The following NRXN1 variants were observed in gnomAD, a reference collection of about 807,000 sequenced individuals.
NRXN1 encodes the protein neurexin 1, also known as neurexin-1.
In NRXN1, 39 loss-of-function variants were observed where a neutral mutation model predicts 150.9. The ratio of observed to expected loss-of-function variants is 0.26; its 90% CI spans 0.20 to 0.34. The LOEUF (loss-of-function observed/expected upper bound fraction) is 0.34, where lower values mean the gene tolerates loss of function less well. Among genes scored for constraint, NRXN1 ranks in the 10% least tolerant of loss-of-function variants. NRXN1 has a pLI of 1.00. For synonymous variants in NRXN1, 924 were observed against 757.0 expected, an observed-to-expected ratio of 1.22 and a Z score of -3.62; for missense variants, 1,815 against 1,949.9, an observed-to-expected ratio of 0.93 and a Z score of 1.30.
At chr2:50,438,371 C>T (rs1196241668) in intron 17 of NRXN1, among the ~76,000 whole-genome samples, 12 of 152,200 alleles carry the variant, frequency 7.9e-5, no homozygotes, top group Non-Finnish European at 8.8e-5. Context: ...AAATGTCAAC[C>T]AGTGAATCTT....
At chr2:50,458,999 T>C (rs2087884890) in intron 17 of NRXN1, among the ~76,000 whole-genome samples, 1 of 152,134 alleles carries the variant, frequency 6.6e-6, no homozygotes, top group Non-Finnish European at 1.5e-5. Flanking sequence ...ATAATACATA[T>C]TAATTATGAT....
rs533708618 is a variant in NRXN1, at chr2:50,221,148, G to A, written c.3546+15641C>T. Among the ~76,000 whole-genome samples, 4 of 151,206 alleles carry A rather than the reference G, an allele frequency of 2.6e-5. No individual in the cohort carries two copies. In the East Asian group the frequency reaches 7.8e-4, roughly 30 times the overall value. ...AGTTATTTTACTTTAGAATCTCATG[G>A]GCTGTGTATCGTGAAGACAAACAAC... On this transcript the variant is annotated intron_variant, in intron 18 of 22. Transcript: ENST00000401669.
intron 18 of NRXN1, among the ~76,000 whole-genome samples, chr2:50,154,095 T>C (rs1302811987): frequency 2.0e-5 from 3 of 151,836 alleles, no homozygotes; most frequent in Non-Finnish European, 4.4e-5. Context: ...TTCAGACAGA[T>C]TGTATCAGTG....
At chr2:50,794,325 A>G (rs1274534316) in intron 5 of NRXN1, among the ~76,000 whole-genome samples, 1 of 152,164 alleles carries the variant, frequency 6.6e-6, no homozygotes, top group Non-Finnish European at 1.5e-5. Flanking sequence ...AAAGGCTTCT[A>G]CAATTTAACA....
rs964757218 is a variant in NRXN1, at chr2:50,339,995, G to C, written c.3365-103025C>G. On this transcript the variant is annotated intron_variant, in intron 17 of 22. Transcript: ENST00000401669. ...TTCTAATTTAAATCCAGTGGGTTTT[G>C]TTTGTTAGTCTTTTCCAAAACCCTG... is the stretch of plus-strand genomic sequence containing the variant. 2.0e-5 allele frequency among the ~76,000 whole-genome samples: 3 copies of C among 152,288 alleles called. No homozygotes were observed. The South Asian group carries it at 6.2e-4, about 32-fold the overall frequency.
intron 17 of NRXN1, among the ~76,000 whole-genome samples, chr2:50,409,564 C>G (rs1192782595): frequency 6.6e-6 from 1 of 152,204 alleles, no homozygotes; most frequent in African/African-American, 2.4e-5. Flanking sequence ...GGGACAGCAT[C>G]ACCTGGACCA....
chr2:50,002,486 A>G (rs1397150775), intron 21 of NRXN1, among the ~76,000 whole-genome samples: 6 of 152,086 alleles, frequency 3.9e-5, no homozygotes, highest in Non-Finnish European at 5.9e-5. Flanking sequence ...GAATATTAGG[A>G]TGTCAGTGAT....
chr2:50,790,657 G>GT (rs1200940621), intron 5 of NRXN1, among the ~76,000 whole-genome samples: 2 of 152,156 alleles, frequency 1.3e-5, no homozygotes, highest in Non-Finnish European at 2.9e-5. Flanking sequence ...TGCAGGTTGA[G>GT]TATTCCTTAT....
chr2:50,084,272 G>A (rs12987097), intron 19 of NRXN1, among the ~76,000 whole-genome samples: 40,106 of 152,118 alleles, frequency 0.26, 5,657 homozygotes, highest in Admixed American at 0.39. Flanking sequence ...CGGAGCAGGG[G>A]GCCGCACAGG....
At chr2:50,314,280 G>A (rs2075410927) in intron 17 of NRXN1, among the ~76,000 whole-genome samples, 2 of 151,970 alleles carry the variant, frequency 1.3e-5, no homozygotes. Context: ...TTCCCATGTG[G>A]ACTCTGTATG....
intron 18 of NRXN1, among the ~76,000 whole-genome samples, chr2:50,131,578 T>G (rs753299390): frequency 6.6e-6 from 1 of 152,214 alleles, no homozygotes; most frequent in African/African-American, 2.4e-5. Context: ...GTTCAATAAA[T>G]GTTTCTTCAA....
intron 5 of NRXN1, among the ~76,000 whole-genome samples, chr2:50,649,248 A>G (rs1262619064): frequency 1.0e-5 from 1 of 98,750 alleles, no homozygotes; most frequent in Non-Finnish European, 2.0e-5. Context: ...ATGTATACAC[A>G]CATACACACA....
At chr2:50,861,043 G>T (rs559738597) in intron 5 of NRXN1, among the ~76,000 whole-genome samples, 1 of 152,046 alleles carries the variant, frequency 6.6e-6, no homozygotes, top group Non-Finnish European at 1.5e-5. Context: ...AATGGGCATA[G>T]ACATGATTAG....
chr2:50,327,869 C>G (rs771919296), intron 17 of NRXN1, among the ~76,000 whole-genome samples: 2 of 152,010 alleles, frequency 1.3e-5, no homozygotes, highest in Non-Finnish European at 1.5e-5. Context: ...AGGCTGGTCG[C>G]GAACTCCTGA....
At chr2:50,371,614 T>C (rs912601484) in intron 17 of NRXN1, among the ~76,000 whole-genome samples, 1 of 151,938 alleles carries the variant, frequency 6.6e-6, no homozygotes, top group South Asian at 2.1e-4. Context: ...ACGAATAAGT[T>C]TCAAGGGAAG....
chr2:50,715,037 T>C (rs375706535), intron 5 of NRXN1, among the ~76,000 whole-genome samples: 121 of 152,272 alleles, frequency 7.9e-4, no homozygotes, highest in African/African-American at 2.8e-3. Context: ...ATGTGGACTG[T>C]TTACTGGTAA....
At chr2:50,945,514 CTT>C (rs1030887121) in intron 2 of NRXN1, among the ~76,000 whole-genome samples, 16 of 61,538 alleles carry the variant, frequency 2.6e-4, no homozygotes, top group South Asian at 5.7e-4. Flanking sequence ...CTCTCTCTCT[CTT>C]ACTATATATA....
rs1553451431 is a variant in NRXN1, at chr2:49,984,015, A to AAAG, written c.4129-40225_4129-40224insCTT. On this transcript the variant is annotated intron_variant, in intron 21 of 22. Transcript: ENST00000401669. ...TCATTTCTACTAAAATTAAAAAAAA[A>AAAG]ATTAGCTGGGTGTGGTAATACAGCA... 1.9e-4 allele frequency among the ~76,000 whole-genome samples: 29 copies of AAAG among 151,248 alleles called. 1 individual carries two copies. Among genetic ancestry groups the AAAG allele is most frequent in the African/African-American group, 6.8e-4 (28 of 41,206 alleles).
intron 5 of NRXN1, chr2:50,919,098 A>T (rs1231139299): frequency 1.3e-5 from 2 of 151,812 alleles, no homozygotes; most frequent in Non-Finnish European, 2.9e-5. Context: ...ATGGCCTATG[A>T]GAAGAATGAG....
Sources: gnomAD v4.1 joint callset for allele counts (sites outside exome capture counted in the v4.1 genomes callset) on GRCh38, gnomAD v4.1.1 for gene constraint, MANE v1.5 for transcripts, NCBI Gene and HGNC (gene_info 2026-07-23, HGNC 2026-07-21) for gene names.